Variants in PPP4C observed in about 807,000 individuals in gnomAD.
PPP4C encodes serine/threonine-protein phosphatase 4 catalytic subunit.
In PPP4C, 10 loss-of-function variants were observed where a neutral mutation model predicts 40.5. The ratio of observed to expected loss-of-function variants is 0.25; its 90% CI spans 0.15 to 0.42. The LOEUF (loss-of-function observed/expected upper bound fraction) is 0.42. PPP4C is among the 10% of genes least tolerant of loss of function. The pLI is 1.00. For missense variants in PPP4C, 191 were observed against 416.4 expected, an observed-to-expected ratio of 0.46 and a Z score of 4.71; for synonymous variants, 187 against 163.6, an observed-to-expected ratio of 1.14 and a Z score of -1.09.
intron 2 of PPP4C, among the ~76,000 whole-genome samples, chr16:30,079,008 G>A (rs892341166): frequency 1.3e-5 from 2 of 152,016 alleles, no homozygotes; most frequent in Admixed American, 6.6e-5. Flanking sequence ...CACTGAGGGG[G>A]GCTTTGCAGA....
intron 2 of PPP4C, among the ~76,000 whole-genome samples, chr16:30,076,825 A>G (rs548287002): frequency 9.2e-5 from 14 of 152,338 alleles, no homozygotes; most frequent in African/African-American, 3.4e-4. Context: ...GAGTCAGCCA[A>G]AAACCAAAAG....
intron 2 of PPP4C, among the ~76,000 whole-genome samples, chr16:30,080,969 C>T (rs778172483): frequency 1.2e-4 from 19 of 152,230 alleles, no homozygotes; most frequent in South Asian, 2.1e-4. Flanking sequence ...GTCCTGGATG[C>T]GGAAGAGGGA....
intron 2 of PPP4C, among the ~76,000 whole-genome samples, chr16:30,080,918 C>T (rs1041985994): frequency 9.9e-5 from 15 of 152,172 alleles, no homozygotes; most frequent in Non-Finnish European, 2.1e-4. Flanking sequence ...GACTTAAGCT[C>T]TGCTGTGGAG....
intron 3 of PPP4C, 44 bp from the exon 4 acceptor site, chr16:30,082,440 A>T (rs1331646896): frequency 6.3e-6 from 10 of 1,579,130 alleles, no homozygotes; most frequent in Non-Finnish European, 8.7e-6. Flanking sequence ...GTCCCTGGCA[A>T]CTCCCACTGC....
chr16:30,076,706 C>T (rs1286996310), intron 2 of PPP4C, among the ~76,000 whole-genome samples: 3 of 152,126 alleles, frequency 2.0e-5, no homozygotes, highest in Admixed American at 6.5e-5. Context: ...AAGAGTGTTA[C>T]ATAAAGTACT....
intron 7 of PPP4C, among the ~76,000 whole-genome samples, chr16:30,084,172 G>A (rs115725329): frequency 1.4e-3 from 209 of 152,172 alleles, no homozygotes; most frequent in African/African-American, 4.7e-3. Context: ...AGGCACACAC[G>A]CACAGGCAGC....
chr16:30,077,698 C>G (rs1293824122), intron 2 of PPP4C, among the ~76,000 whole-genome samples: 1 of 152,174 alleles, frequency 6.6e-6, no homozygotes. Context: ...TTGGCCTGGC[C>G]CGGTACTGGC....
chr16:30,082,934 G>A, intron 5 of PPP4C, 87 bp downstream of exon 5: 1 of 1,156,272 alleles, frequency 8.6e-7, no homozygotes, highest in Non-Finnish European at 1.3e-6. Flanking sequence ...CTCCTATCGT[G>A]ACCAGCCCCA....
chr16:30,079,394 T>A (rs1426821846), intron 2 of PPP4C, among the ~76,000 whole-genome samples: 1 of 152,122 alleles, frequency 6.6e-6, no homozygotes, highest in East Asian at 1.9e-4. Context: ...TTCACCATGT[T>A]GGCCAGGATG....
At chr16:30,084,318 C>T (rs994442023) in intron 7 of PPP4C, among the ~76,000 whole-genome samples, 10 of 152,354 alleles carry the variant, frequency 6.6e-5, no homozygotes, top group Admixed American at 5.9e-4. Context: ...CACATGCAGC[C>T]GCTGCTCCAC....
At position 30,083,324 on chromosome 16, in the gene PPP4C, C is replaced by A; in HGVS notation, c.304-70C>A. 1 of 1,523,080 alleles carries A rather than the reference C, an allele frequency of 6.6e-7. No individual in the cohort carries two copies. The highest frequency in any genetic ancestry group is 1.4e-5 in the African/African-American group (1 of 73,628). 94.3% of individuals were successfully genotyped at this position (1,523,080 alleles called of 1,614,324 possible). A position where few individuals can be genotyped will look rare whatever the true frequency, so the allele number is the denominator to read the frequency against. On this transcript the variant is annotated intron_variant, in intron 5 of 8. Transcript: ENST00000279387. This position sits in a 1 kb window ranked among gnomAD's most constrained non-coding sequence, Gnocchi z 6.3. Reference sequence around the variant, plus strand: ...TGTGAGGATGGCAGGCTGGCGGGCACGAGGAGGTCAGAGAGGGATGTGTGG... The same window carrying A: ...TGTGAGGATGGCAGGCTGGCGGGCAAGAGGAGGTCAGAGAGGGATGTGTGG...
chr16:30,082,695 A>AG, intron 4 of PPP4C, 51 bp from the exon 5 acceptor site: 2 of 1,558,808 alleles, frequency 1.3e-6, no homozygotes, highest in Non-Finnish European at 1.8e-6. Context: ...AGAAACAGGT[A>AG]GGGGGTAGGG....
chr16:30,083,410 G>T lies in PPP4C; in HGVS notation c.320G>T (p.Arg107Leu). The T allele has an allele frequency of 6.2e-7, 1 of 1,613,286 alleles. No homozygotes were observed. ...LLALKVRYPD[R>L]ITLIRGNHES... Reference sequence around the variant, plus strand: ...CACCCCCAGGTTCGCTATCCTGATCGCATCACACTGATCCGGGGCAACCAT... The same window carrying T: ...CACCCCCAGGTTCGCTATCCTGATCTCATCACACTGATCCGGGGCAACCAT... The change falls in exon 6 of 9, where the codon CGC becomes CTC. Residue 107 changes from arginine to leucine, a missense_variant. Coordinates refer to ENST00000279387, the MANE Select transcript of PPP4C (RefSeq NM_002720.3). This position sits in a 1 kb window ranked among gnomAD's most constrained non-coding sequence, Gnocchi z 6.3.
chr16:30,084,494 A>G (rs1225936123), intron 7 of PPP4C, among the ~76,000 whole-genome samples, 172 bp from the exon 8 acceptor site: 1 of 152,046 alleles, frequency 6.6e-6, no homozygotes, highest in Non-Finnish European at 1.5e-5. Flanking sequence ...CTGCCCCTAC[A>G]TTTGCTGTCC....
In PPP4C at chr16:30,084,656, T is replaced by C; in HGVS notation, c.605-10T>C. ...GGACATCCCTCTCCATCCCTCCCTT[T>C]CCGCATCAGACACCACAGGCTGGGG... On this transcript the variant is annotated splice_polypyrimidine_tract_variant and intron_variant, in intron 7 of 8. Coordinates refer to ENST00000279387, the MANE Select transcript of PPP4C (RefSeq NM_002720.3). 6.2e-7 allele frequency: 1 copy of C among 1,613,258 alleles called. No individual in the cohort carries two copies. The highest frequency in any genetic ancestry group is 1.1e-5 in the South Asian group (1 of 91,044).
At chr16:30,081,398 C>T in intron 3 of PPP4C, 88 bp downstream of exon 3, 1 of 1,083,624 alleles carries the variant, frequency 9.2e-7, no homozygotes. Context: ...ATAAGCCCAA[C>T]CCTAAGCTCT....
At chr16:30,082,882 G>A in intron 5 of PPP4C, 35 bp downstream of exon 5, 1 of 1,574,070 alleles carries the variant, frequency 6.4e-7, no homozygotes, top group Non-Finnish European at 8.7e-7. Context: ...CCCAACCTGG[G>A]CGACCTCGGG....
In PPP4C at chr16:30,083,419, T is replaced by C; in HGVS notation, c.329T>C (p.Leu110Pro). 6.2e-7 allele frequency: 1 copy of C among 1,613,812 alleles called. No individual in the cohort carries two copies. The highest frequency in any genetic ancestry group is 8.5e-7 in the Non-Finnish European group (1 of 1,179,928). The change falls in exon 6 of 9, where the codon CTG becomes CCG. Residue 110 changes from leucine (L) to proline (P), a missense_variant. Leu to Pro is a moderately conservative substitution (Grantham distance 98). Around this residue, in one of 3 missense-constraint regions of PPP4C, gnomAD observed 171 missense variants for 352.4 expected, o/e 0.49. Coordinates refer to ENST00000279387, the MANE Select transcript of PPP4C (RefSeq NM_002720.3). This position sits in a 1 kb window ranked among gnomAD's most constrained non-coding sequence, Gnocchi z 6.3. ...LKVRYPDRIT[L>P]IRGNHESRQI... The stretch of plus-strand genomic sequence containing the variant: ...GTTCGCTATCCTGATCGCATCACAC[T>C]GATCCGGGGCAACCATGAGAGTCGC...
Position 30,081,262 on chromosome 16 carries a change from G to A in PPP4C, c.102G>A (p.Glu34=), listed in dbSNP as rs747233856. The A allele has an allele frequency of 6.2e-7, 1 of 1,613,784 alleles. No homozygotes were observed. The highest frequency in any genetic ancestry group is 2.2e-5 in the East Asian group (1 of 44,866). The stretch of plus-strand genomic sequence containing the variant: ...CCTGGTCTTCTCCTGTCTCCAGAGA[G>A]ATCTTGGTAGAGGAGAGCAACGTGC... ...EVKALCAKAR[E]ILVEESNVQR... Residue 34 remains glutamate, a synonymous_variant, in exon 3 of 9, where the codon GAG becomes GAA. Transcript: ENST00000279387.
Sources: gnomAD v4.1 joint callset for allele counts (sites outside exome capture counted in the v4.1 genomes callset) on GRCh38, gnomAD v4.1.1 for gene constraint, gnomAD v4.1.1 regional missense constraint, Gnocchi (gnomAD v3.1) non-coding constraint, MANE v1.5 for transcripts, NCBI Gene and HGNC (gene_info 2026-07-23, HGNC 2026-07-21) for gene names.